PARD3: variants seen among roughly 807,000 people sequenced by gnomAD.
PARD3 encodes the protein par-3 family cell polarity regulator, also known as partitioning defective 3 homolog.
A neutral mutation model predicts 155.4 loss-of-function variants in PARD3; 75 were observed. The ratio of observed to expected loss-of-function variants is 0.48; its 90% CI spans 0.40 to 0.58. PARD3 has a LOEUF of 0.58. PARD3 is among the 20% of genes least tolerant of loss of function. The pLI is 0.00. For synonymous variants in PARD3, 576 were observed against 610.5 expected (o/e 0.94, Z 0.83); for missense variants, 1,642 against 1,721.7 (o/e 0.95, Z 0.82).
intron 2 of PARD3, among the ~76,000 whole-genome samples, chr10:34,605,931 CTATA>C (rs56107450): frequency 3.1e-4 from 7 of 22,650 alleles, no homozygotes; most frequent in East Asian, 1.4e-3. Flanking sequence ...TATATATCTC[CTATA>C]TATATATATC....
At chr10:34,606,965 TAAAAAAAAAA>T (rs531578595) in intron 2 of PARD3, among the ~76,000 whole-genome samples, 3 of 114,836 alleles carry the variant, frequency 2.6e-5, no homozygotes, top group Admixed American at 1.0e-4. Context: ...GACTCTGTCT[TAAAAAAAAAA>T]AAAAAAAAAA....
At chr10:34,501,595 A>T (rs910590932) in intron 3 of PARD3, among the ~76,000 whole-genome samples, 2 of 152,208 alleles carry the variant, frequency 1.3e-5, no homozygotes, top group Non-Finnish European at 2.9e-5. Context: ...CAGCCCATTA[A>T]TATCACTAGG....
At chr10:34,749,779 T>C (rs767324542) in intron 1 of PARD3, among the ~76,000 whole-genome samples, 2 of 152,052 alleles carry the variant, frequency 1.3e-5, no homozygotes, top group Non-Finnish European at 2.9e-5. Context: ...TCCCAGCACT[T>C]TGAGAGGCAG....
chr10:34,507,942 C>G (rs1244998994), intron 3 of PARD3, among the ~76,000 whole-genome samples: 2 of 152,136 alleles, frequency 1.3e-5, no homozygotes, highest in Non-Finnish European at 2.9e-5. Flanking sequence ...TTTCTATTTG[C>G]AATATGTACT....
At chr10:34,540,629 T>C (rs1268675791) in intron 2 of PARD3, among the ~76,000 whole-genome samples, 1 of 151,720 alleles carries the variant, frequency 6.6e-6, no homozygotes, top group Non-Finnish European at 1.5e-5. Flanking sequence ...AAAATAGAAA[T>C]ATTAGCCAGG....
intron 1 of PARD3, among the ~76,000 whole-genome samples, chr10:34,726,811 T>C (rs10763998): frequency 0.24 from 36,756 of 151,850 alleles, 5,343 homozygotes; most frequent in East Asian, 0.52. Flanking sequence ...TTCTGTCTCA[T>C]ATGTATAAGG....
intron 2 of PARD3, among the ~76,000 whole-genome samples, chr10:34,659,071 C>T (rs2093256904): frequency 6.6e-6 from 1 of 152,182 alleles, no homozygotes; most frequent in South Asian, 2.1e-4. Flanking sequence ...CAAGCGCACA[C>T]ACAGTACTGG....
intron 22 of PARD3, among the ~76,000 whole-genome samples, chr10:34,160,190 G>C (rs1033829351): frequency 7.9e-5 from 12 of 152,144 alleles, no homozygotes; most frequent in African/African-American, 2.9e-4. Context: ...CATAAAGTAA[G>C]GTTCAGTTAT....
intron 5 of PARD3, among the ~76,000 whole-genome samples, chr10:34,408,432 T>C (rs1844718164): frequency 6.6e-6 from 1 of 152,226 alleles, no homozygotes; most frequent in Non-Finnish European, 1.5e-5. Flanking sequence ...TGAGCTATGG[T>C]ATCCTAGAGA....
rs540274519 is a variant in PARD3, at chr10:34,237,356, T to C, written c.3419+32301A>G. 2.0e-5 allele frequency among the ~76,000 whole-genome samples: 3 copies of C among 152,322 alleles called. 1 individual carries two copies. In the South Asian group the frequency reaches 6.2e-4, roughly 32 times the overall value. On this transcript the variant is annotated intron_variant, in intron 22 of 24. Coordinates refer to ENST00000374788, the MANE Select transcript of PARD3 (RefSeq NM_001184785.2). ...CAAAGTGTTTGATAATTTTCTTCAG[T>C]GTATTTGCATAAATGTTTACTCTCC...
At chr10:34,467,297 A>T (rs903740608) in intron 4 of PARD3, among the ~76,000 whole-genome samples, 1 of 151,672 alleles carries the variant, frequency 6.6e-6, no homozygotes, top group African/African-American at 2.4e-5. Flanking sequence ...AATAATCAGG[A>T]TGCAAATATA....
chr10:34,203,704 A>G (rs1308702502), intron 22 of PARD3, among the ~76,000 whole-genome samples: 1 of 152,194 alleles, frequency 6.6e-6, no homozygotes, highest in African/African-American at 2.4e-5. Flanking sequence ...CCGGGTATTT[A>G]TGATCTGTGG....
chr10:34,718,262 T>G (rs1028735120), intron 1 of PARD3, among the ~76,000 whole-genome samples: 8 of 151,684 alleles, frequency 5.3e-5, no homozygotes, highest in African/African-American at 1.7e-4. Flanking sequence ...AGTACATGAA[T>G]TGAGAAAATA....
chr10:34,450,684 G>A (rs983579341), intron 4 of PARD3, among the ~76,000 whole-genome samples: 2 of 152,008 alleles, frequency 1.3e-5, no homozygotes, highest in African/African-American at 4.8e-5. Context: ...CACACACACG[G>A]CACACAACAG....
At chr10:34,346,547 C>A in intron 15 of PARD3, 4 of 1,226,856 alleles carry the variant, frequency 3.3e-6, no homozygotes, top group Non-Finnish European at 4.2e-6. Context: ...GAAATTTCAT[C>A]AACAAAAAAA....
At chr10:34,647,773 T>G (rs542845927) in intron 2 of PARD3, among the ~76,000 whole-genome samples, 1 of 152,216 alleles carries the variant, frequency 6.6e-6, no homozygotes, top group Non-Finnish European at 1.5e-5. Flanking sequence ...TAAGGCCTAT[T>G]TGAGAGAAAT....
intron 21 of PARD3, among the ~76,000 whole-genome samples, chr10:34,283,726 T>A (rs1452039768): frequency 1.3e-5 from 2 of 152,122 alleles, no homozygotes; most frequent in Non-Finnish European, 2.9e-5. Context: ...TAAAATGTGA[T>A]ATAAAACTTC....
intron 3 of PARD3, among the ~76,000 whole-genome samples, chr10:34,480,265 C>T (rs1392782627): frequency 6.6e-6 from 1 of 152,204 alleles, no homozygotes; most frequent in African/African-American, 2.4e-5. Flanking sequence ...GAGACAAGGT[C>T]TTGCTCTGTC....
intron 1 of PARD3, among the ~76,000 whole-genome samples, chr10:34,763,369 G>A (rs945360826): frequency 2.0e-5 from 3 of 152,186 alleles, no homozygotes; most frequent in African/African-American, 7.2e-5. Context: ...GAAGAGCTGA[G>A]GGCTGCAGCA....
Sources: gnomAD v4.1 joint callset for allele counts (sites outside exome capture counted in the v4.1 genomes callset) on GRCh38, gnomAD v4.1.1 for gene constraint, MANE v1.5 for transcripts, NCBI Gene and HGNC (gene_info 2026-07-23, HGNC 2026-07-21) for gene names.